Variants in SLC7A6 observed in about 807,000 individuals in gnomAD.
SLC7A6 encodes the protein solute carrier family 7 member 6.
Under a neutral mutation model 46.6 loss-of-function variants are expected in SLC7A6, and 29 were observed. That is an observed-to-expected ratio of 0.62 (90% CI 0.46 to 0.85). The LOEUF is 0.85. SLC7A6 is among the 40% of genes least tolerant of loss of function. The pLI is 0.00. For missense variants in SLC7A6, 527 were observed against 647.6 expected (o/e 0.81, Z 2.02); for synonymous variants, 276 against 257.3 (o/e 1.07, Z -0.70).
At chr16:68,290,241 C>G in intron 4 of SLC7A6, 155 bp from the exon 5 acceptor site, 1 of 691,868 alleles carries the variant, frequency 1.4e-6, no homozygotes. Context: ...CTTGTTTTTT[C>G]TTTCTTGTTC....
chr16:68,270,674 G>A (rs1282254467), intron 2 of SLC7A6, among the ~76,000 whole-genome samples: 2 of 152,130 alleles, frequency 1.3e-5, no homozygotes, highest in African/African-American at 4.8e-5. Flanking sequence ...CCACAGGTGA[G>A]CCAGACCTTG....
At chr16:68,291,047 C>A in intron 5 of SLC7A6, 162 bp from the exon 6 acceptor site, 2 of 820,630 alleles carry the variant, frequency 2.4e-6, no homozygotes, top group Non-Finnish European at 4.0e-6. Flanking sequence ...TTGGGTCTTT[C>A]TCAATAGAAA....
rs1455483751 is a variant in SLC7A6, at chr16:68,300,146, C to T, written c.*2818C>T. 6.6e-6 allele frequency: 1 copy of T among 152,218 alleles called. No individual in the cohort carries two copies. The highest frequency in any genetic ancestry group is 1.5e-5 in the Non-Finnish European group (1 of 68,044). The allele number at this position is 152,218 out of a possible 1,614,324, so 9.4% of individuals were successfully genotyped here. A position where few individuals can be genotyped will look rare whatever the true frequency, so the allele number is the denominator to read the frequency against. On this transcript the variant is annotated 3_prime_UTR_variant, in exon 11 of 11. Transcript: ENST00000219343. ...CCTGTGGTGTCCGCTGCAACAGCTA[C>T]TAGCCACGTGTAGCTAATTACATTA...
intron 3 of SLC7A6, among the ~76,000 whole-genome samples, chr16:68,283,011 T>C (rs1339023197): frequency 1.3e-5 from 2 of 152,184 alleles, no homozygotes; most frequent in Admixed American, 1.3e-4. Flanking sequence ...CTGGGAGGAA[T>C]TGGAAGGTTT....
Position 68,301,326 on chromosome 16 carries a change from A to C in SLC7A6, c.*3998A>C. ...TGTCATAGCCGAACTCCTTCTGCAC[A>C]TCCAGAGGGTACTTGCTCCACATCC... On this transcript the variant is annotated 3_prime_UTR_variant, in exon 11 of 11. Coordinates refer to ENST00000219343, the MANE Select transcript of SLC7A6 (RefSeq NM_003983.6). 6.2e-7 allele frequency: 1 copy of C among 1,614,146 alleles called. No homozygotes were observed. Among genetic ancestry groups the C allele is most frequent in the South Asian group, 1.1e-5 (1 of 91,078 alleles).
intron 3 of SLC7A6, among the ~76,000 whole-genome samples, 169 bp downstream of exon 3, chr16:68,275,418 A>C (rs1296456136): frequency 2.6e-5 from 4 of 151,806 alleles, no homozygotes. Flanking sequence ...CAACATGGAG[A>C]AACCCCGTCT....
chr16:68,273,050 C>G (rs963573107), intron 2 of SLC7A6: 1 of 152,218 alleles, frequency 6.6e-6, no homozygotes, highest in Non-Finnish European at 1.5e-5. Context: ...CAGAGGTAGG[C>G]TGCCTTCACT....
Position 68,298,287 on chromosome 16 carries a change from C to G in SLC7A6, c.*959C>G, listed in dbSNP as rs1198400533. ...TAAGAGGGCTGAAACTTCTGATATT[C>G]AGGTGGATCACCTGAATTCTCTCAG... On this transcript the variant is annotated 3_prime_UTR_variant, in exon 11 of 11. Transcript: ENST00000219343. 6.6e-6 allele frequency: 1 copy of G among 152,648 alleles called. No homozygotes were observed. The highest frequency in any genetic ancestry group is 1.5e-5 in the Non-Finnish European group (1 of 68,034). The allele number at this position is 152,648 out of a possible 1,614,324, so 9.5% of individuals were successfully genotyped here.
intron 2 of SLC7A6, among the ~76,000 whole-genome samples, chr16:68,274,160 C>T (rs2151216320): frequency 6.6e-6 from 1 of 152,294 alleles, no homozygotes; most frequent in African/African-American, 2.4e-5. Flanking sequence ...TCCTCATGTT[C>T]TGTACTGGCC....
chr16:68,280,660 C>T (rs1031589957), intron 3 of SLC7A6, among the ~76,000 whole-genome samples: 1 of 151,796 alleles, frequency 6.6e-6, no homozygotes, highest in Non-Finnish European at 1.5e-5. Context: ...TCTCAAACTC[C>T]TGGCTCAAGT....
Position 68,291,649 on chromosome 16 carries a change from T to C in SLC7A6, c.1010T>C (p.Phe337Ser). The C allele has an allele frequency of 6.2e-7, 1 of 1,614,022 alleles. No individual in the cohort carries two copies. The highest frequency in any genetic ancestry group is 1.7e-5 in the Admixed American group (1 of 60,020). The part of the protein sequence containing the change: ...SCFGGLNASI[F>S]ASSRLFFVGS... ...TTTGGGGGCCTCAATGCATCCATCT[T>C]TGCTTCATCAAGGTACTGTGTCTCT... The change falls in exon 7 of 11, where the codon TTT becomes TCT. Residue 337 changes from phenylalanine to serine, a missense_variant. Transcript: ENST00000219343.
chr16:68,301,494 GT>G lies in SLC7A6; in HGVS notation c.*4168del. ...TCTCTTCTCAGAAAGGTCTGTTTTT[GT>G]TCCCGATTGTAATGCAAAATCCTTG... On this transcript the variant is annotated 3_prime_UTR_variant, in exon 11 of 11. Transcript: ENST00000219343. 8.9e-7 allele frequency: 1 copy of G among 1,121,960 alleles called. No homozygotes were observed. The highest frequency in any genetic ancestry group is 1.3e-6 in the Non-Finnish European group (1 of 794,048). The allele number at this position is 1,121,960 out of a possible 1,614,324, so 69.5% of individuals were successfully genotyped here. A position where few individuals can be genotyped will look rare whatever the true frequency, so the allele number is the denominator to read the frequency against.
rs546076706 is a variant in SLC7A6, at chr16:68,289,152, G to C, written c.650-1244G>C. 2.5e-3 allele frequency among the ~76,000 whole-genome samples: 375 copies of C among 151,848 alleles called. 3 individuals are homozygous for C. The highest frequency in any genetic ancestry group is 8.6e-3 in the African/African-American group (356 of 41,376). Reference sequence around the variant, plus strand: ...ACTAAAAATACAAAAAATTAGCCGGGGGTGGTGGTGGGTGCCTCTAATCCC... The same window carrying C: ...ACTAAAAATACAAAAAATTAGCCGGCGGTGGTGGTGGGTGCCTCTAATCCC... On this transcript the variant is annotated intron_variant, in intron 4 of 10. Transcript: ENST00000219343.
chr16:68,284,970 C>A (rs1202417562), intron 3 of SLC7A6, among the ~76,000 whole-genome samples: 1 of 150,248 alleles, frequency 6.7e-6, no homozygotes, highest in African/African-American at 2.5e-5. Flanking sequence ...CTCCTGGGTT[C>A]GGCAGTTCTC....
At chr16:68,269,994 T>C (rs1378138935) in intron 2 of SLC7A6, among the ~76,000 whole-genome samples, 1 of 152,146 alleles carries the variant, frequency 6.6e-6, no homozygotes, top group Non-Finnish European at 1.5e-5. Flanking sequence ...AGTCTCGAAC[T>C]CTTGGCCTCA....
intron 8 of SLC7A6, 81 bp from the exon 9 acceptor site, chr16:68,296,283 G>C: frequency 6.6e-7 from 1 of 1,522,316 alleles, no homozygotes; most frequent in Admixed American, 1.7e-5. Context: ...ATCAGATCTA[G>C]TACTGACTGC....
chr16:68,270,437 G>A (rs909838468), intron 2 of SLC7A6, among the ~76,000 whole-genome samples: 7 of 152,036 alleles, frequency 4.6e-5, no homozygotes, highest in Non-Finnish European at 1.5e-5. Flanking sequence ...AGAGGAGAAG[G>A]GTATAGGTTG....
At chr16:68,297,118 A>G in intron 10 of SLC7A6, 116 bp from the exon 11 acceptor site, 1 of 908,476 alleles carries the variant, frequency 1.1e-6, no homozygotes, top group African/African-American at 1.7e-5. Flanking sequence ...AGCCTGATAT[A>G]GGGTACTTAA....
chr16:68,290,702 G>A lies in SLC7A6; in HGVS notation c.794+162G>A, dbSNP rs545144415. On this transcript the variant is annotated intron_variant, in intron 5 of 10. Coordinates refer to ENST00000219343, the MANE Select transcript of SLC7A6 (RefSeq NM_003983.6). ...AGGGGCTGAGGGCTAGAATGGGAGT[G>A]AGTGAAGGTAGGAAAGCCTTCGGCT... 1.4e-5 allele frequency: 12 copies of A among 848,862 alleles called. No homozygotes were observed. The African/African-American group carries it at 2.0e-4, about 14-fold the overall frequency. The allele number at this position is 848,862 out of a possible 1,614,324, so 52.6% of individuals were successfully genotyped here. A position where few individuals can be genotyped will look rare whatever the true frequency, so the allele number is the denominator to read the frequency against.
Sources: allele counts gnomAD v4.1 joint callset (sites outside exome capture counted in the v4.1 genomes callset), GRCh38; gene constraint gnomAD v4.1.1; transcripts MANE v1.5; gene names NCBI Gene and HGNC (gene_info 2026-07-23, HGNC 2026-07-21).